The following SDCCAG8 variants were observed in gnomAD, a reference collection of about 807,000 sequenced individuals.
SDCCAG8 encodes SHH signaling and ciliogenesis regulator SDCCAG8.
SDCCAG8 carries 74 observed loss-of-function variants against 101.8 expected under a neutral mutation model. The ratio of observed to expected loss-of-function variants is 0.73; its 90% CI spans 0.60 to 0.88. The LOEUF is 0.88. Ranked by LOEUF, SDCCAG8 falls within the 40% of genes least tolerant of loss-of-function variation. The pLI is 0.00. For synonymous variants in SDCCAG8, 281 were observed against 292.9 expected (o/e 0.96, Z 0.41); for missense variants, 787 against 822.6 (o/e 0.96, Z 0.53).
At chr1:243,321,247 T>A (rs2073731268) in intron 9 of SDCCAG8, among the ~76,000 whole-genome samples, 4 of 152,230 alleles carry the variant, frequency 2.6e-5, no homozygotes, top group Admixed American at 2.6e-4. Flanking sequence ...TTTGTCTGTA[T>A]CCTTCATTAA....
chr1:243,493,427 T>C (rs1227737229), intron 17 of SDCCAG8, among the ~76,000 whole-genome samples: 1 of 152,108 alleles, frequency 6.6e-6, no homozygotes, highest in Non-Finnish European at 1.5e-5. Flanking sequence ...ACAGAAATTA[T>C]CTGTCCACTT....
At chr1:243,381,994 C>T (rs2077986081) in intron 13 of SDCCAG8, among the ~76,000 whole-genome samples, 1 of 152,164 alleles carries the variant, frequency 6.6e-6, no homozygotes, top group Non-Finnish European at 1.5e-5. Flanking sequence ...TTAGTGAGTT[C>T]ATGAGTAAGA....
chr1:243,315,438 A>G (rs1373222683), intron 8 of SDCCAG8, among the ~76,000 whole-genome samples: 7 of 152,158 alleles, frequency 4.6e-5, no homozygotes, highest in Non-Finnish European at 1.5e-5. Context: ...AATTATTTTT[A>G]TCAATTTAAA....
At chr1:243,260,998 A>G (rs2067153599) in intron 1 of SDCCAG8, among the ~76,000 whole-genome samples, 1 of 152,192 alleles carries the variant, frequency 6.6e-6, no homozygotes, top group African/African-American at 2.4e-5. Flanking sequence ...TGTAAAACGA[A>G]AAGTTTGGAC....
intron 16 of SDCCAG8, among the ~76,000 whole-genome samples, chr1:243,478,368 T>A (rs924773227): frequency 1.1e-4 from 16 of 152,212 alleles, no homozygotes; most frequent in African/African-American, 3.6e-4. Context: ...TGGGCTGAAC[T>A]GAATGTTCTC....
chr1:243,268,030 T>C (rs2067773556), intron 1 of SDCCAG8: 1 of 776,810 alleles, frequency 1.3e-6, no homozygotes, highest in East Asian at 2.4e-5. Flanking sequence ...CTTTAGGTTT[T>C]AATCTATCCT....
chr1:243,343,076 C>G (rs1016727998), intron 11 of SDCCAG8, among the ~76,000 whole-genome samples: 3 of 152,206 alleles, frequency 2.0e-5, no homozygotes, highest in Non-Finnish European at 2.9e-5. Flanking sequence ...ATCCTTCTGC[C>G]TCAGCCTCCA....
At chr1:243,271,823 T>A (rs1245011350) in intron 3 of SDCCAG8, among the ~76,000 whole-genome samples, 1 of 152,150 alleles carries the variant, frequency 6.6e-6, no homozygotes, top group Non-Finnish European at 1.5e-5. Flanking sequence ...GGATTATAGG[T>A]GTGAGCCACC....
intron 8 of SDCCAG8, among the ~76,000 whole-genome samples, chr1:243,309,557 T>G (rs989643257): frequency 1.3e-5 from 2 of 152,210 alleles, no homozygotes; most frequent in African/African-American, 4.8e-5. Context: ...AAGGCTGGAA[T>G]GTAATGGCAC....
intron 1 of SDCCAG8, chr1:243,268,208 G>T: frequency 2.0e-6 from 1 of 488,528 alleles, no homozygotes; most frequent in Non-Finnish European, 3.7e-6. Flanking sequence ...AAACTGTCTC[G>T]TTCCTTTCTA....
intron 12 of SDCCAG8, among the ~76,000 whole-genome samples, chr1:243,365,930 C>T (rs574447976): frequency 6.6e-6 from 1 of 152,042 alleles, no homozygotes; most frequent in South Asian, 2.1e-4. Context: ...TTTGAAATGA[C>T]CTTTAGGCTG....
At chr1:243,461,399 C>T (rs890706136) in intron 16 of SDCCAG8, among the ~76,000 whole-genome samples, 1 of 152,188 alleles carries the variant, frequency 6.6e-6, no homozygotes, top group Non-Finnish European at 1.5e-5. Context: ...TCACTGACCT[C>T]GAGGTCCCCA....
chr1:243,327,749 T>C (rs2074293753), intron 9 of SDCCAG8, among the ~76,000 whole-genome samples: 1 of 152,204 alleles, frequency 6.6e-6, no homozygotes, highest in Non-Finnish European at 1.5e-5. Flanking sequence ...TTTTAGTATG[T>C]GCGGTCCAGT....
At chr1:243,369,351 C>T (rs1292389871) in intron 12 of SDCCAG8, among the ~76,000 whole-genome samples, 4 of 152,158 alleles carry the variant, frequency 2.6e-5, no homozygotes, top group African/African-American at 9.7e-5. Flanking sequence ...GAAAGGTACA[C>T]ATGTACTGTG....
At chr1:243,316,227 C>G (rs866603677) in intron 8 of SDCCAG8, among the ~76,000 whole-genome samples, 4 of 152,178 alleles carry the variant, frequency 2.6e-5, no homozygotes, top group Middle Eastern at 3.4e-3. Flanking sequence ...CATTGAGCAA[C>G]AACAAGTGTT....
At chr1:243,470,199 A>T (rs948457278) in intron 16 of SDCCAG8, among the ~76,000 whole-genome samples, 4 of 152,138 alleles carry the variant, frequency 2.6e-5, no homozygotes, top group African/African-American at 9.7e-5. Context: ...TTCTGCCCAG[A>T]TGTGGCGCAA....
At chr1:243,267,242 TA>T (rs36005780) in intron 1 of SDCCAG8, 17,830 of 162,486 alleles carry the variant, frequency 0.11, 801 homozygotes, top group Non-Finnish European at 0.14. Context: ...GACTCCGTCT[TA>T]AAAAAAAAAA....
chr1:243,298,730 G>C (rs1174093933), intron 6 of SDCCAG8, among the ~76,000 whole-genome samples: 3 of 152,144 alleles, frequency 2.0e-5, no homozygotes, highest in African/African-American at 2.4e-5. Flanking sequence ...CCATTTCTTG[G>C]AAAGGTAGTC....
At chr1:243,387,087 T>C (rs2078351956) in intron 13 of SDCCAG8, among the ~76,000 whole-genome samples, 1 of 152,188 alleles carries the variant, frequency 6.6e-6, no homozygotes, top group Admixed American at 6.5e-5. Context: ...GTATTCATCT[T>C]AGGCCAGGGG....
Sources: gnomAD v4.1 joint callset for allele counts (sites outside exome capture counted in the v4.1 genomes callset) on GRCh38, gnomAD v4.1.1 for gene constraint, MANE v1.5 for transcripts, NCBI Gene and HGNC (gene_info 2026-07-23, HGNC 2026-07-21) for gene names.